Variants in ASTN2 observed in about 807,000 individuals in gnomAD.
The protein encoded by ASTN2 is astrotactin-2.
In ASTN2, 54 loss-of-function variants were observed where a neutral mutation model predicts 139.8. That is an observed-to-expected ratio of 0.39 (90% CI 0.31 to 0.48). ASTN2 has a LOEUF of 0.48. ASTN2 is among the 20% of genes least tolerant of loss of function. ASTN2 has a pLI of 0.95. For synonymous variants in ASTN2, 756 were observed against 719.5 expected, an observed-to-expected ratio of 1.05 and a Z score of -0.81; for missense variants, 1,565 against 1,725.1, an observed-to-expected ratio of 0.91 and a Z score of 1.64.
intron 11 of ASTN2, among the ~76,000 whole-genome samples, chr9:116,851,704 AT>A (rs1832613624): frequency 6.6e-6 from 1 of 152,150 alleles, no homozygotes; most frequent in South Asian, 2.1e-4. Context: ...GAATTGCTTC[AT>A]TACCTAAATA....
At chr9:116,987,926 T>C (rs184109422) in intron 7 of ASTN2, among the ~76,000 whole-genome samples, 2 of 152,340 alleles carry the variant, frequency 1.3e-5, no homozygotes, top group East Asian at 1.9e-4. Context: ...GTGGATACTA[T>C]GGACAAGGGA....
At chr9:117,318,312 A>T (rs1186598835) in intron 1 of ASTN2, among the ~76,000 whole-genome samples, 1 of 152,136 alleles carries the variant, frequency 6.6e-6, no homozygotes, top group African/African-American at 2.4e-5. Context: ...GCACTTAAAA[A>T]CTTGCCTGGC....
At chr9:117,123,965 T>A (rs945378631) in intron 4 of ASTN2, among the ~76,000 whole-genome samples, 1 of 152,232 alleles carries the variant, frequency 6.6e-6, no homozygotes, top group African/African-American at 2.4e-5. Flanking sequence ...TTAACTCACA[T>A]GCCTGGCACG....
At chr9:116,668,313 T>C (rs1020172360) in intron 16 of ASTN2, among the ~76,000 whole-genome samples, 1 of 151,092 alleles carries the variant, frequency 6.6e-6, no homozygotes, top group Non-Finnish European at 1.5e-5. Context: ...CGCCTCAGCC[T>C]CCTGAGTAGC....
chr9:116,822,659 T>C (rs977149611), intron 11 of ASTN2, among the ~76,000 whole-genome samples: 8 of 152,132 alleles, frequency 5.3e-5, no homozygotes, highest in African/African-American at 1.9e-4. Context: ...ACCACACTTG[T>C]TTTTTTAAAC....
At chr9:117,238,172 T>C (rs1466698044) in intron 2 of ASTN2, among the ~76,000 whole-genome samples, 1 of 152,162 alleles carries the variant, frequency 6.6e-6, no homozygotes, top group Non-Finnish European at 1.5e-5. Flanking sequence ...AAAGACCCAC[T>C]TGTGGAGGCT....
At chr9:116,513,270 C>G (rs149137218) in intron 19 of ASTN2, among the ~76,000 whole-genome samples, 1,888 of 152,126 alleles carry the variant, frequency 0.012, 34 homozygotes, top group African/African-American at 0.043. Flanking sequence ...AGCTTAGTTT[C>G]GCTGGATATG....
At chr9:117,000,450 CA>C (rs1338290017) in intron 7 of ASTN2, among the ~76,000 whole-genome samples, 2 of 152,176 alleles carry the variant, frequency 1.3e-5, no homozygotes, top group African/African-American at 4.8e-5. Context: ...ACCATATTGT[CA>C]AAGGTTTTAT....
intron 2 of ASTN2, among the ~76,000 whole-genome samples, chr9:117,282,671 G>A (rs1423865228): frequency 4.4e-5 from 6 of 135,202 alleles, no homozygotes; most frequent in Admixed American, 4.1e-4. Context: ...AGTTTCAAGA[G>A]GCATCCTATA....
chr9:116,977,842 G>T (rs10983439), intron 7 of ASTN2, among the ~76,000 whole-genome samples: 1 of 149,598 alleles, frequency 6.7e-6, no homozygotes, highest in African/African-American at 2.5e-5. Context: ...TCAGCCTCCC[G>T]AGTAGCTGGG....
At position 116,516,780 on chromosome 9, in the gene ASTN2, T is replaced by C. The variant is rs561658763; in HGVS notation, c.3356-29280A>G. 7.2e-5 allele frequency among the ~76,000 whole-genome samples: 11 copies of C among 152,308 alleles called. No individual in the cohort carries two copies. In the East Asian group the frequency reaches 2.1e-3, roughly 29 times the overall value. On this transcript the variant is annotated intron_variant, in intron 19 of 22. Coordinates refer to ENST00000313400, the MANE Select transcript of ASTN2 (RefSeq NM_001365068.1). ...GCTTGGTGCTGTTGGGAGGCCATAG[T>C]GAGAGTGAGACTGGCTTTTAGGACT...
intron 3 of ASTN2, among the ~76,000 whole-genome samples, chr9:117,196,073 G>C (rs1349571175): frequency 6.6e-6 from 1 of 152,144 alleles, no homozygotes; most frequent in Non-Finnish European, 1.5e-5. Flanking sequence ...CCTCAGTGTG[G>C]TGTAGTGAGT....
At chr9:116,950,402 G>T (rs1378938728) in intron 10 of ASTN2, among the ~76,000 whole-genome samples, 1 of 152,152 alleles carries the variant, frequency 6.6e-6, no homozygotes, top group East Asian at 1.9e-4. Context: ...AAAGAAAGTA[G>T]TCAGTTAATA....
intron 18 of ASTN2, among the ~76,000 whole-genome samples, chr9:116,618,765 A>C (rs772777196): frequency 6.6e-6 from 1 of 152,158 alleles, no homozygotes; most frequent in Non-Finnish European, 1.5e-5. Context: ...TTTTCCATAT[A>C]TTTATACTAT....
At chr9:117,297,752 C>G (rs1237417293) in intron 1 of ASTN2, among the ~76,000 whole-genome samples, 1 of 152,182 alleles carries the variant, frequency 6.6e-6, no homozygotes, top group African/African-American at 2.4e-5. Context: ...ATATAGCTAC[C>G]AGATAAGAAC....
chr9:117,303,854 G>A (rs1342127740), intron 1 of ASTN2, among the ~76,000 whole-genome samples: 1 of 152,176 alleles, frequency 6.6e-6, no homozygotes, highest in East Asian at 1.9e-4. Flanking sequence ...CTAGCCAATG[G>A]GAAAATGACG....
chr9:116,713,657 G>A lies in ASTN2; in HGVS notation c.2806+12114C>T, dbSNP rs1395634892. ...GGCTAAGTAATAGTAAAATGTAAAT[G>A]GTAAGAGAATCGGAGCATGAAAAGA... is the stretch of plus-strand genomic sequence containing the variant. On this transcript the variant is annotated intron_variant, in intron 16 of 22. Coordinates refer to ENST00000313400, the MANE Select transcript of ASTN2 (RefSeq NM_001365068.1). 2.0e-5 allele frequency among the ~76,000 whole-genome samples: 3 copies of A among 152,254 alleles called. No homozygotes were observed. The East Asian group carries it at 5.8e-4, about 29-fold the overall frequency.
intron 1 of ASTN2, among the ~76,000 whole-genome samples, chr9:117,295,458 C>T (rs1834706392): frequency 6.6e-6 from 1 of 152,192 alleles, no homozygotes; most frequent in African/African-American, 2.4e-5. Context: ...TTCCTGCCAT[C>T]TCTCACGCAC....
intron 16 of ASTN2, among the ~76,000 whole-genome samples, chr9:116,710,759 A>G (rs962839500): frequency 1.1e-4 from 14 of 130,602 alleles, no homozygotes; most frequent in Non-Finnish European, 3.3e-5. Context: ...AAAAAAAAAG[A>G]AGAGAAAAAA....
Sources: allele counts gnomAD v4.1 joint callset (sites outside exome capture counted in the v4.1 genomes callset), GRCh38; gene constraint gnomAD v4.1.1; transcripts MANE v1.5; gene names NCBI Gene and HGNC (gene_info 2026-07-23, HGNC 2026-07-21).